The following SAMD12 variants were observed in gnomAD, a reference collection of about 807,000 sequenced individuals.
The protein encoded by SAMD12 is sterile alpha motif domain containing 12.
Under a neutral mutation model 15.0 loss-of-function variants are expected in SAMD12, and 9 were observed. The ratio of observed to expected loss-of-function variants is 0.60; its 90% CI spans 0.36 to 1.05. SAMD12 has a LOEUF of 1.05. Ranked by LOEUF, SAMD12 falls within the 50% of genes least tolerant of loss-of-function variation. SAMD12 has a pLI of 0.01. For missense variants in SAMD12, 230 were observed against 234.2 expected (o/e 0.98, Z 0.12); for synonymous variants, 86 against 90.1 (o/e 0.96, Z 0.25).
At chr8:118,259,815 C>G (rs371313823) in intron 4 of SAMD12, among the ~76,000 whole-genome samples, 1 of 152,200 alleles carries the variant, frequency 6.6e-6, no homozygotes, top group East Asian at 1.9e-4. Flanking sequence ...TTTCACAAAA[C>G]CACCGTTCTT....
the SAMD12 span, among the ~76,000 whole-genome samples, chr8:118,145,559 A>G: frequency 6.6e-6 from 1 of 152,200 alleles, no homozygotes; most frequent in Non-Finnish European, 1.5e-5. Flanking sequence ...CTCATTGTCT[A>G]TGTTATCCAG....
chr8:118,297,963 C>A (rs1298288474), intron 4 of SAMD12, among the ~76,000 whole-genome samples: 1 of 152,094 alleles, frequency 6.6e-6, no homozygotes, highest in Non-Finnish European at 1.5e-5. Context: ...AGCCTAAATG[C>A]AGTGGAAAGC....
chr8:118,189,321 T>A (rs987699777), downstream of SAMD12: 2 of 152,196 alleles, frequency 1.3e-5, no homozygotes, highest in African/African-American at 4.8e-5. Context: ...ATGAATTGCA[T>A]CATTAGCTAA....
chr8:118,190,994 C>A (rs1209292033), exon 5 of SAMD12: 1 of 152,064 alleles, frequency 6.6e-6, no homozygotes, highest in Non-Finnish European at 1.5e-5. Flanking sequence ...CAAGATTGAT[C>A]TTTTCTAAAA....
intron 4 of SAMD12, among the ~76,000 whole-genome samples, chr8:118,353,562 CT>C (rs1324910775): frequency 6.6e-6 from 1 of 152,124 alleles, no homozygotes; most frequent in African/African-American, 2.4e-5. Flanking sequence ...TGATTTTGGA[CT>C]TTCCGGCCTC....
At chr8:118,361,285 C>T (rs748209662) in intron 4 of SAMD12, among the ~76,000 whole-genome samples, 4 of 152,130 alleles carry the variant, frequency 2.6e-5, no homozygotes, top group Non-Finnish European at 4.4e-5. Context: ...TTCAGTTTGC[C>T]AAGTACCTAC....
At chr8:118,173,621 A>G in the SAMD12 span, among the ~76,000 whole-genome samples, 1 of 142,366 alleles carries the variant, frequency 7.0e-6, no homozygotes, top group Non-Finnish European at 1.5e-5. Flanking sequence ...TAAATTATAT[A>G]CATATCCATA....
At chr8:118,526,974 A>C (rs1214534613) in intron 2 of SAMD12, among the ~76,000 whole-genome samples, 2 of 152,200 alleles carry the variant, frequency 1.3e-5, no homozygotes, top group Non-Finnish European at 2.9e-5. Context: ...AAGACATCCA[A>C]ATGTCTTTCA....
At chr8:118,307,143 A>G (rs1815390954) in intron 4 of SAMD12, among the ~76,000 whole-genome samples, 2 of 152,238 alleles carry the variant, frequency 1.3e-5, no homozygotes, top group South Asian at 4.1e-4. Context: ...TTAGTGTCCT[A>G]GTCTGCTAGC....
At chr8:118,218,665 C>A (rs1199353921) in intron 4 of SAMD12, among the ~76,000 whole-genome samples, 1 of 152,136 alleles carries the variant, frequency 6.6e-6, no homozygotes, top group Non-Finnish European at 1.5e-5. Context: ...GCATAACATA[C>A]TCCAGGTTCA....
intron 3 of SAMD12, among the ~76,000 whole-genome samples, chr8:118,438,006 T>C (rs1822623434): frequency 6.6e-6 from 1 of 152,184 alleles, no homozygotes; most frequent in Non-Finnish European, 1.5e-5. Context: ...TAAGCAGCCA[T>C]TATCTGATGA....
At chr8:118,564,888 A>G (rs1415093340) in intron 2 of SAMD12, among the ~76,000 whole-genome samples, 1 of 152,220 alleles carries the variant, frequency 6.6e-6, no homozygotes, top group East Asian at 1.9e-4. Flanking sequence ...GGGCTCTGCC[A>G]TCTTAACATG....
At chr8:118,564,171 G>A (rs1308654211) in intron 2 of SAMD12, among the ~76,000 whole-genome samples, 2 of 152,016 alleles carry the variant, frequency 1.3e-5, no homozygotes, top group Non-Finnish European at 2.9e-5. Context: ...AATTGCTTAA[G>A]CAGATTACCC....
chr8:118,517,673 C>A (rs554895238), intron 2 of SAMD12, among the ~76,000 whole-genome samples: 1 of 152,330 alleles, frequency 6.6e-6, no homozygotes, highest in South Asian at 2.1e-4. Flanking sequence ...CAGAAGCAAT[C>A]ACACACACAT....
chr8:118,142,807 A>G, the SAMD12 span, among the ~76,000 whole-genome samples: 1 of 152,346 alleles, frequency 6.6e-6, no homozygotes, highest in East Asian at 1.9e-4. Context: ...ACTAGTTTAT[A>G]TAAGTGACTA....
chr8:118,173,189 G>A, the SAMD12 span, among the ~76,000 whole-genome samples: 1 of 152,202 alleles, frequency 6.6e-6, no homozygotes, highest in Non-Finnish European at 1.5e-5. Flanking sequence ...TCCTTGCCAT[G>A]CCTGAAATTT....
intron 3 of SAMD12, among the ~76,000 whole-genome samples, chr8:118,397,905 A>T (rs1175899890): frequency 1.3e-5 from 2 of 152,130 alleles, no homozygotes; most frequent in African/African-American, 4.8e-5. Context: ...CGATCCTCCC[A>T]TCTCAGCCCC....
chr8:118,546,548 T>C (rs953124248), intron 2 of SAMD12, among the ~76,000 whole-genome samples: 20 of 152,186 alleles, frequency 1.3e-4, no homozygotes, highest in Non-Finnish European at 2.1e-4. Context: ...ATTAGCCCTA[T>C]AAAATACTTT....
rs554702068 is a variant in SAMD12, at chr8:118,472,359, G to C, written c.193-32398C>G. Among the ~76,000 whole-genome samples, 6 of 152,162 alleles carry C rather than the reference G, an allele frequency of 3.9e-5. No homozygotes were observed. The South Asian group carries it at 1.2e-3, about 32-fold the overall frequency. On this transcript the variant is annotated intron_variant, in intron 2 of 3. Transcript: ENST00000314727. Reference sequence around the variant, plus strand: ...CAGACTGTTGTCAGGTGTGGTAATGGGTCTCGAAAGCCTGTCACACAGCTG... The same window carrying C: ...CAGACTGTTGTCAGGTGTGGTAATGCGTCTCGAAAGCCTGTCACACAGCTG...
Sources: gnomAD v4.1 joint callset for allele counts (sites outside exome capture counted in the v4.1 genomes callset) on GRCh38, gnomAD v4.1.1 for gene constraint, MANE v1.5 for transcripts, NCBI Gene and HGNC (gene_info 2026-07-23, HGNC 2026-07-21) for gene names.